KIF13B: variants seen among roughly 807,000 people sequenced by gnomAD.
KIF13B encodes kinesin-like protein KIF13B.
KIF13B carries 127 observed loss-of-function variants against 222.0 expected under a neutral mutation model. The observed-to-expected ratio is 0.57, with a 90% CI of 0.50 to 0.66. The LOEUF is 0.66. KIF13B is among the 30% of genes least tolerant of loss of function. The pLI is 0.00. For synonymous variants in KIF13B, 976 were observed against 919.0 expected, an observed-to-expected ratio of 1.06 and a Z score of -1.12; for missense variants, 2,173 against 2,379.0, an observed-to-expected ratio of 0.91 and a Z score of 1.80.
rs1211778265 is a variant in KIF13B at position 29,072,074 on chromosome 8, A to T, written c.4764T>A (p.Ala1588=). 6.8e-6 allele frequency: 9 copies of T among 1,315,784 alleles called. No individual in the cohort carries two copies. Among genetic ancestry groups the T allele is most frequent in the Non-Finnish European group, 8.7e-6 (9 of 1,031,206 alleles). 81.5% of individuals were successfully genotyped at this position (1,315,784 alleles called of 1,614,324 possible). A position where few individuals can be genotyped will look rare whatever the true frequency, so the allele number is the denominator to read the frequency against. Residue 1588 remains alanine (A), a synonymous_variant, in exon 39 of 40, where the codon GCT becomes GCA. Transcript: ENST00000524189. The part of the protein sequence containing the change: ...LSDALGPGLD[A]AAPPGSMPTA... ...TGGGCATGGACCCCGGCGGGGCCGC[A>T]GCGTCCAGGCCGGGGCCCAGGGCGT...
chr8:29,213,155 T>C (rs964946774), intron 2 of KIF13B, among the ~76,000 whole-genome samples: 3 of 152,166 alleles, frequency 2.0e-5, no homozygotes, highest in African/African-American at 7.2e-5. Flanking sequence ...ACTTCAGTAG[T>C]AAAGTAGGGT....
chr8:29,105,653 T>G (rs891406838), intron 35 of KIF13B, among the ~76,000 whole-genome samples: 4 of 94,946 alleles, frequency 4.2e-5, no homozygotes, highest in African/African-American at 1.4e-4. Context: ...TTGTTTGGTT[T>G]TTTTTTTTTT....
Position 29,072,160 on chromosome 8 carries a change from G to T in KIF13B, c.4678C>A (p.Pro1560Thr), listed in dbSNP as rs772239580. The T allele has an allele frequency of 5.6e-6, 8 of 1,423,306 alleles. No individual in the cohort carries two copies. The Admixed American group carries it at 8.8e-5, about 16-fold the overall frequency. The allele number at this position is 1,423,306 out of a possible 1,614,324, so 88.2% of individuals were successfully genotyped here. ...APEAQDGPPS[P>T]LSEASSGYFS... ...TACCCGCTAGAGGCTTCACTCAGGGGGCTGGGGGGCCCGTCCTGTGCCTCC... is the reference window on the plus strand; with the variant it reads ...TACCCGCTAGAGGCTTCACTCAGGGTGCTGGGGGGCCCGTCCTGTGCCTCC... Residue 1560 changes from proline (P) to threonine (T), a missense_variant, in exon 39 of 40, where the codon CCC (proline) becomes ACC (threonine). Around this residue, in one of 2 missense-constraint regions of KIF13B, gnomAD observed 693 missense variants for 656.2 expected, o/e 1.06. Coordinates refer to ENST00000524189, the MANE Select transcript of KIF13B (RefSeq NM_015254.4).
At chr8:29,078,784 A>G (rs2133494427) in intron 37 of KIF13B, among the ~76,000 whole-genome samples, 1 of 152,348 alleles carries the variant, frequency 6.6e-6, no homozygotes, top group Non-Finnish European at 1.5e-5. Context: ...ATTGCCCTGT[A>G]AGTGAGTGAC....
intron 19 of KIF13B, 107 bp from the exon 20 acceptor site, chr8:29,140,724 A>C (rs191014688): frequency 4.9e-6 from 5 of 1,011,828 alleles, no homozygotes; most frequent in African/African-American, 1.6e-5. Flanking sequence ...AACTTTCATC[A>C]TCCTAACTCT....
chr8:29,218,044 G>A (rs908951907), intron 2 of KIF13B, among the ~76,000 whole-genome samples: 3 of 152,084 alleles, frequency 2.0e-5, no homozygotes, highest in Admixed American at 1.3e-4. Context: ...AATACTCTAC[G>A]TGTCTAGGGA....
At chr8:29,145,723 C>T (rs1159601420) in intron 18 of KIF13B, 1 of 137,362 alleles carries the variant, frequency 7.3e-6, no homozygotes, top group Non-Finnish European at 1.5e-5. Context: ...CACGGATCCA[C>T]AAAAAATTCA....
chr8:29,100,347 A>G (rs1265167127), intron 35 of KIF13B, among the ~76,000 whole-genome samples: 1 of 152,220 alleles, frequency 6.6e-6, no homozygotes, highest in Non-Finnish European at 1.5e-5. Flanking sequence ...AATCTTTTAA[A>G]TGCTTTAAGT....
chr8:29,233,803 A>G (rs909440434), intron 2 of KIF13B, among the ~76,000 whole-genome samples: 1 of 152,206 alleles, frequency 6.6e-6, no homozygotes, highest in Non-Finnish European at 1.5e-5. Flanking sequence ...ATAATGAGCT[A>G]TGATCACATC....
At chr8:29,241,991 T>C (rs568606378) in intron 2 of KIF13B, among the ~76,000 whole-genome samples, 29 of 152,314 alleles carry the variant, frequency 1.9e-4, no homozygotes, top group African/African-American at 7.0e-4. Flanking sequence ...CAAACTCACC[T>C]ATGCCTCAAC....
At chr8:29,189,755 C>T (rs2130340691) in intron 4 of KIF13B, 1 of 152,456 alleles carries the variant, frequency 6.6e-6, no homozygotes, top group African/African-American at 2.4e-5. Context: ...TCCTGTCTCT[C>T]CAGCCCAGTC....
chr8:29,130,878 CCTTTA>C (rs1311789137), intron 23 of KIF13B, among the ~76,000 whole-genome samples: 1 of 152,106 alleles, frequency 6.6e-6, no homozygotes, highest in African/African-American at 2.4e-5. Context: ...AGAAATGGCT[CCTTTA>C]CTTTGTTCAA....
At chr8:29,195,348 G>A (rs1035539192) in intron 3 of KIF13B, among the ~76,000 whole-genome samples, 5 of 151,978 alleles carry the variant, frequency 3.3e-5, no homozygotes, top group East Asian at 1.9e-4. Flanking sequence ...TGCCCTATTC[G>A]GCTTTTTCAC....
intron 2 of KIF13B, among the ~76,000 whole-genome samples, chr8:29,200,651 C>T (rs556246958): frequency 6.6e-6 from 1 of 152,178 alleles, no homozygotes; most frequent in African/African-American, 2.4e-5. Flanking sequence ...CTATAGACAA[C>T]CTCCTCCAAA....
intron 12 of KIF13B, among the ~76,000 whole-genome samples, chr8:29,162,407 G>C (rs763622192): frequency 1.3e-5 from 2 of 152,154 alleles, no homozygotes; most frequent in African/African-American, 2.4e-5. Context: ...TTCAAATCAA[G>C]TCTTTAAATC....
At chr8:29,253,271 G>C (rs1267512422) in intron 1 of KIF13B, among the ~76,000 whole-genome samples, 1 of 152,180 alleles carries the variant, frequency 6.6e-6, no homozygotes, top group Non-Finnish European at 1.5e-5. Flanking sequence ...TTGAGCCCAT[G>C]AGTTACAGGC....
intron 2 of KIF13B, among the ~76,000 whole-genome samples, chr8:29,202,800 T>C (rs1813755197): frequency 6.6e-6 from 1 of 152,094 alleles, no homozygotes; most frequent in Non-Finnish European, 1.5e-5. Context: ...TCCCTATCAG[T>C]GCCACCTGTG....
At chr8:29,157,784 T>C (rs1811601434) in intron 13 of KIF13B, among the ~76,000 whole-genome samples, 1 of 148,322 alleles carries the variant, frequency 6.7e-6, no homozygotes, top group African/African-American at 2.5e-5. Context: ...TAAGCCATAA[T>C]CGTACCACTG....
At chr8:29,256,748 T>C (rs1170025962) in intron 1 of KIF13B, among the ~76,000 whole-genome samples, 2 of 140,242 alleles carry the variant, frequency 1.4e-5, no homozygotes, top group Non-Finnish European at 3.0e-5. Flanking sequence ...AATTACTACT[T>C]TTTTTGTTTG....
Sources: gnomAD v4.1 joint callset for allele counts (sites outside exome capture counted in the v4.1 genomes callset) on GRCh38, gnomAD v4.1.1 for gene constraint, gnomAD v4.1.1 regional missense constraint, MANE v1.5 for transcripts, NCBI Gene and HGNC (gene_info 2026-07-23, HGNC 2026-07-21) for gene names.